CDH12: variants seen among roughly 807,000 people sequenced by gnomAD.
CDH12 encodes the protein cadherin 12, also known as cadherin-12.
In CDH12, 41 loss-of-function variants were observed where a neutral mutation model predicts 74.1. That is an observed-to-expected ratio of 0.55 (90% CI 0.43 to 0.72). The LOEUF is 0.72. CDH12 is among the 30% of genes least tolerant of loss of function. The pLI is 0.00. For synonymous variants in CDH12, 399 were observed against 355.0 expected (o/e 1.12, Z -1.39); for missense variants, 945 against 977.2 (o/e 0.97, Z 0.44).
chr5:22,548,617 C>T (rs1365436252), intron 1 of CDH12, among the ~76,000 whole-genome samples: 1 of 152,062 alleles, frequency 6.6e-6, no homozygotes, highest in Non-Finnish European at 1.5e-5. Context: ...ACTCTCTTGG[C>T]CACAGAAGGG....
intron 3 of CDH12, among the ~76,000 whole-genome samples, chr5:22,337,902 C>G (rs2150451541): frequency 1.3e-5 from 2 of 152,246 alleles, no homozygotes; most frequent in South Asian, 4.1e-4. Flanking sequence ...TGGCTTTTAT[C>G]CAGAAGTCAG....
intron 3 of CDH12, among the ~76,000 whole-genome samples, chr5:22,364,858 TAGA>T (rs1319157502): frequency 1.3e-5 from 2 of 152,166 alleles, no homozygotes; most frequent in Non-Finnish European, 2.9e-5. Flanking sequence ...ATGCTGAAAG[TAGA>T]AGAAATCAGG....
At chr5:22,612,547 G>A (rs183056546) in intron 1 of CDH12, among the ~76,000 whole-genome samples, 45 of 151,590 alleles carry the variant, frequency 3.0e-4, no homozygotes, top group African/African-American at 9.4e-4. Context: ...TTTTATCATC[G>A]AATTATGTTA....
At chr5:22,530,720 A>G (rs954132965) in intron 1 of CDH12, among the ~76,000 whole-genome samples, 2 of 152,132 alleles carry the variant, frequency 1.3e-5, no homozygotes, top group Non-Finnish European at 2.9e-5. Flanking sequence ...TATCATCTCA[A>G]TGCTGTAGTT....
At chr5:22,195,989 G>A (rs1426879108) in intron 4 of CDH12, among the ~76,000 whole-genome samples, 3 of 151,776 alleles carry the variant, frequency 2.0e-5, no homozygotes, top group Non-Finnish European at 4.4e-5. Context: ...TAACCTAGAT[G>A]TTTACATAGA....
At chr5:22,115,884 G>T (rs1354628490) in intron 4 of CDH12, among the ~76,000 whole-genome samples, 1 of 151,844 alleles carries the variant, frequency 6.6e-6, no homozygotes, top group Non-Finnish European at 1.5e-5. Flanking sequence ...TGGAGTCGGG[G>T]TTTCACCATG....
chr5:22,162,130 G>A (rs1178610301), intron 4 of CDH12, among the ~76,000 whole-genome samples: 1 of 151,098 alleles, frequency 6.6e-6, no homozygotes, highest in East Asian at 1.9e-4. Context: ...GAAACTGGTG[G>A]TCATATATAA....
chr5:22,679,509 T>C (rs1250949763), intron 1 of CDH12, among the ~76,000 whole-genome samples: 1 of 152,146 alleles, frequency 6.6e-6, no homozygotes, highest in African/African-American at 2.4e-5. Flanking sequence ...CCAGTTGTTA[T>C]GTAGATTATT....
intron 6 of CDH12, among the ~76,000 whole-genome samples, chr5:21,867,610 T>C (rs757782390): frequency 6.6e-6 from 1 of 152,188 alleles, no homozygotes; most frequent in Non-Finnish European, 1.5e-5. Context: ...TGTAGCCCCT[T>C]TGTTTTGGCC....
chr5:22,764,225 T>C (rs549077546), intron 1 of CDH12, among the ~76,000 whole-genome samples: 3 of 152,026 alleles, frequency 2.0e-5, no homozygotes, highest in Admixed American at 1.3e-4. Context: ...ATGCATTTTA[T>C]ACTGAACTAT....
At chr5:22,835,786 A>G (rs969394954) in intron 1 of CDH12, among the ~76,000 whole-genome samples, 1 of 152,182 alleles carries the variant, frequency 6.6e-6, no homozygotes, top group Non-Finnish European at 1.5e-5. Flanking sequence ...GCTGTCCTCA[A>G]TGTGATGGCT....
intron 1 of CDH12, among the ~76,000 whole-genome samples, chr5:22,760,584 CAGG>C (rs1746159010): frequency 7.2e-6 from 1 of 139,598 alleles, no homozygotes; most frequent in African/African-American, 2.7e-5. Context: ...GAGGCTGAGG[CAGG>C]AGAATTGTTT....
intron 1 of CDH12, among the ~76,000 whole-genome samples, chr5:22,789,527 A>G (rs1016832202): frequency 1.3e-5 from 2 of 152,080 alleles, no homozygotes; most frequent in African/African-American, 4.8e-5. Flanking sequence ...AGATAAATTT[A>G]TAGTTATTTC....
chr5:22,252,388 T>TA (rs370290188), intron 3 of CDH12, among the ~76,000 whole-genome samples: 18,458 of 148,810 alleles, frequency 0.12, 1,182 homozygotes, highest in South Asian at 0.17. Context: ...GTTCCAAACT[T>TA]AAAAAAAAAA....
intron 4 of CDH12, among the ~76,000 whole-genome samples, chr5:22,192,816 A>C (rs1750385358): frequency 6.6e-6 from 1 of 152,236 alleles, no homozygotes; most frequent in Non-Finnish European, 1.5e-5. Context: ...GAAACAGAAC[A>C]CAGCTGGGGA....
chr5:21,798,805 T>C (rs1422711380), intron 10 of CDH12, among the ~76,000 whole-genome samples: 1 of 152,134 alleles, frequency 6.6e-6, no homozygotes, highest in Non-Finnish European at 1.5e-5. Flanking sequence ...AAGAGACATA[T>C]ATGTTTTTTG....
chr5:22,293,865 G>A (rs547757597), intron 3 of CDH12, among the ~76,000 whole-genome samples: 3 of 152,234 alleles, frequency 2.0e-5, no homozygotes, highest in Admixed American at 6.5e-5. Context: ...TGGTGTTGGC[G>A]AAAGGATACA....
chr5:21,978,838 T>C (rs1757182602), intron 5 of CDH12, among the ~76,000 whole-genome samples: 1 of 152,168 alleles, frequency 6.6e-6, no homozygotes, highest in South Asian at 2.1e-4. Context: ...AAAGCTATAA[T>C]AATTTTTATG....
At chr5:22,721,624 G>C (rs921342742) in intron 1 of CDH12, among the ~76,000 whole-genome samples, 5 of 152,120 alleles carry the variant, frequency 3.3e-5, no homozygotes, top group African/African-American at 1.2e-4. Flanking sequence ...TGAAATGTAA[G>C]GACATGAGAT....
Sources: allele counts gnomAD v4.1 joint callset (sites outside exome capture counted in the v4.1 genomes callset), GRCh38; gene constraint gnomAD v4.1.1; transcripts MANE v1.5; gene names NCBI Gene and HGNC (gene_info 2026-07-23, HGNC 2026-07-21).